SH3RF2: variants seen among roughly 807,000 people sequenced by gnomAD.
SH3RF2 encodes the protein SH3 domain containing ring finger 2.
In SH3RF2, 43 loss-of-function variants were observed where a neutral mutation model predicts 59.0. The observed-to-expected ratio is 0.73, with a 90% CI of 0.57 to 0.94. The LOEUF (loss-of-function observed/expected upper bound fraction) is 0.94, where lower values mean the gene tolerates loss of function less well. Among genes scored for constraint, SH3RF2 ranks in the 40% least tolerant of loss-of-function variants. SH3RF2 has a pLI of 0.00. For missense variants in SH3RF2, 930 were observed against 940.1 expected (o/e 0.99, Z 0.14); for synonymous variants, 391 against 391.5 (o/e 1.00, Z 0.01).
chr5:145,973,449 G>A (rs541469304), intron 2 of SH3RF2, among the ~76,000 whole-genome samples: 23 of 152,294 alleles, frequency 1.5e-4, no homozygotes, highest in South Asian at 8.3e-4. Flanking sequence ...TAAGTCTTTT[G>A]AGGCTCTTTC....
rs1313966330 is a variant in SH3RF2 at position 146,013,837 on chromosome 5, A to G, written c.835A>G (p.Arg279Gly). 6.2e-7 allele frequency: 1 copy of G among 1,614,058 alleles called. No individual in the cohort carries two copies. The highest frequency in any genetic ancestry group is 1.3e-5 in the African/African-American group (1 of 74,902). ...CCTGTCCCTGGTGTCCTCGTCCTCC[A>G]GAGGCAACACGTCTACCCTCCGTAG... ...KNLSLVSSSS[R>G]GNTSTLRRGP... Residue 279 changes from arginine to glycine, a missense_variant, in exon 5 of 10, where the codon AGA (arginine) becomes GGA (glycine). Coordinates refer to ENST00000359120, the MANE Select transcript of SH3RF2 (RefSeq NM_152550.4).
downstream of SH3RF2, among the ~76,000 whole-genome samples, chr5:146,067,227 G>A (rs1046039840): frequency 2.6e-5 from 4 of 152,298 alleles, no homozygotes; most frequent in Admixed American, 1.3e-4. Flanking sequence ...GTGACCTCCA[G>A]TGTGTCTTGA....
At chr5:145,998,206 C>T (rs1580834880) in intron 2 of SH3RF2, among the ~76,000 whole-genome samples, 1 of 141,378 alleles carries the variant, frequency 7.1e-6, no homozygotes, top group Non-Finnish European at 1.5e-5. Context: ...GCAATGCAAA[C>T]AATATTAAAT....
rs1420084556 is a variant in SH3RF2 at position 146,013,826 on chromosome 5, C to T, written c.824C>T (p.Ser275Phe). ...SSRTKNLSLV[S>F]SSSRGNTSTL... The stretch of plus-strand genomic sequence containing the variant: ...CGCACAAAAAACCTGTCCCTGGTGT[C>T]CTCGTCCTCCAGAGGCAACACGTCT... The change falls in exon 5 of 10, where the codon TCC becomes TTC. Residue 275 changes from serine to phenylalanine, a missense_variant. Ser to Phe is a radical substitution (Grantham distance 155). Coordinates refer to ENST00000359120, the MANE Select transcript of SH3RF2 (RefSeq NM_152550.4). 6.2e-7 allele frequency: 1 copy of T among 1,614,046 alleles called. No individual in the cohort carries two copies. Among genetic ancestry groups the T allele is most frequent in the African/African-American group, 1.3e-5 (1 of 74,916 alleles).
intron 4 of SH3RF2, among the ~76,000 whole-genome samples, chr5:146,004,755 A>G (rs1418934505): frequency 6.6e-6 from 1 of 152,136 alleles, no homozygotes; most frequent in African/African-American, 2.4e-5. Flanking sequence ...GTTCAATATT[A>G]TGGAAAGATT....
chr5:146,057,966 C>CTCTCTCTCTCTCTATCTA (rs796279528), intron 8 of SH3RF2, among the ~76,000 whole-genome samples: 76 of 72,934 alleles, frequency 1.0e-3, no homozygotes, highest in African/African-American at 2.8e-3. Context: ...CTCTCTCTCT[C>CTCTCTCTCTCTCTATCTA]TCTATCTATC....
chr5:146,059,712 G>A (rs761045415), intron 8 of SH3RF2, among the ~76,000 whole-genome samples, 154 bp from the exon 9 acceptor site: 6 of 152,110 alleles, frequency 3.9e-5, no homozygotes, highest in Non-Finnish European at 8.8e-5. Context: ...AAAGAATAAG[G>A]TCACCTTTGA....
At chr5:146,055,319 GTT>G (rs1221898143) in intron 7 of SH3RF2, among the ~76,000 whole-genome samples, 1 of 152,116 alleles carries the variant, frequency 6.6e-6, no homozygotes, top group Non-Finnish European at 1.5e-5. Flanking sequence ...AAGTCTTTGT[GTT>G]TTTTTATTTA....
At chr5:146,055,775 C>A in intron 7 of SH3RF2, 1 of 605,844 alleles carries the variant, frequency 1.7e-6, no homozygotes, top group Non-Finnish European at 2.9e-6. Context: ...CCTCAGCACA[C>A]CCTCACAGTT....
intron 5 of SH3RF2, among the ~76,000 whole-genome samples, chr5:146,028,163 A>AACACACACACACACAC (rs10586561): frequency 7.0e-6 from 1 of 142,308 alleles, no homozygotes. Flanking sequence ...TGAGGCCTGC[A>AACACACACACACACAC]ACACACACAC....
intron 2 of SH3RF2, among the ~76,000 whole-genome samples, chr5:145,992,461 G>C (rs1221844379): frequency 6.6e-6 from 1 of 152,146 alleles, no homozygotes; most frequent in Non-Finnish European, 1.5e-5. Context: ...GTGAACTTGG[G>C]CAACTTTTAA....
intron 2 of SH3RF2, among the ~76,000 whole-genome samples, chr5:145,965,004 G>C (rs1455928496): frequency 1.3e-5 from 2 of 151,920 alleles, no homozygotes; most frequent in Admixed American, 1.3e-4. Context: ...ACTAGCCTGC[G>C]CAACACGGTG....
chr5:146,055,409 G>A (rs1762631233), intron 7 of SH3RF2, among the ~76,000 whole-genome samples: 1 of 152,166 alleles, frequency 6.6e-6, no homozygotes, highest in Admixed American at 6.5e-5. Context: ...CAAAGCACTT[G>A]GCCAATACCT....
chr5:146,025,679 C>A (rs1425867139), intron 5 of SH3RF2, among the ~76,000 whole-genome samples: 1 of 152,002 alleles, frequency 6.6e-6, no homozygotes, highest in Non-Finnish European at 1.5e-5. Context: ...AAACTAAATA[C>A]TGCCAATGCT....
rs1762224132 is a variant in SH3RF2 at position 146,044,151 on chromosome 5, T to TG, written c.1060-3621_1060-3620insG. Among the ~76,000 whole-genome samples the TG allele has an allele frequency of 4.6e-5, 3 of 65,708 alleles. No individual in the cohort carries two copies. In the East Asian group the frequency reaches 1.1e-3, roughly 25 times the overall value. The allele number at this position is 65,708 out of a possible 152,430, so 43.1% of individuals were successfully genotyped here. A position where few individuals can be genotyped will look rare whatever the true frequency, so the allele number is the denominator to read the frequency against. ...TTGGTCCGTTTTTGTTTTTTTTTGT[T>TG]TTTTTTTTTTTGTTTTTAAGACAGA... is the stretch of plus-strand genomic sequence containing the variant. On this transcript the variant is annotated intron_variant, in intron 5 of 9. Transcript: ENST00000359120.
intron 2 of SH3RF2, among the ~76,000 whole-genome samples, chr5:145,972,533 T>TG (rs1318816542): frequency 3.9e-5 from 6 of 152,102 alleles, no homozygotes; most frequent in African/African-American, 1.4e-4. Flanking sequence ...GGCTCCAGGG[T>TG]GCCATTCACA....
intron 5 of SH3RF2, among the ~76,000 whole-genome samples, chr5:146,027,613 G>T (rs1761576004): frequency 6.6e-6 from 1 of 152,210 alleles, no homozygotes; most frequent in Non-Finnish European, 1.5e-5. Flanking sequence ...GTGCTAGTGA[G>T]GTTCAATTAT....
intron 2 of SH3RF2, among the ~76,000 whole-genome samples, chr5:145,965,645 C>T (rs1758830612): frequency 6.6e-6 from 1 of 152,194 alleles, no homozygotes; most frequent in Non-Finnish European, 1.5e-5. Context: ...TTTACACTCA[C>T]TACTTGAAGC....
intron 2 of SH3RF2, among the ~76,000 whole-genome samples, chr5:145,961,422 T>C (rs1490812834): frequency 6.6e-6 from 1 of 152,172 alleles, no homozygotes; most frequent in South Asian, 2.1e-4. Flanking sequence ...AGGAGAGAGA[T>C]AATATTTCAG....
Sources: gnomAD v4.1 joint callset for allele counts (sites outside exome capture counted in the v4.1 genomes callset) on GRCh38, gnomAD v4.1.1 for gene constraint, MANE v1.5 for transcripts, NCBI Gene and HGNC (gene_info 2026-07-23, HGNC 2026-07-21) for gene names.